Variants in PREX1 observed in about 807,000 individuals in gnomAD.
PREX1 encodes phosphatidylinositol-3,4,5-trisphosphate dependent Rac exchange factor 1, also known as phosphatidylinositol 3,4,5-trisphosphate-dependent Rac exchanger 1 protein.
Under a neutral mutation model 198.3 loss-of-function variants are expected in PREX1, and 41 were observed. That is an observed-to-expected ratio of 0.21 (90% confidence interval 0.16 to 0.27). PREX1 has a LOEUF of 0.27. Ranked by LOEUF, PREX1 falls within the 10% of genes least tolerant of loss-of-function variation. The pLI is 1.00. For synonymous variants in PREX1, 843 were observed against 887.2 expected (o/e 0.95, Z 0.89); for missense variants, 1,620 against 2,200.7 (o/e 0.74, Z 5.28).
At chr20:48,651,911 C>A (rs1369419037) in intron 21 of PREX1, among the ~76,000 whole-genome samples, 1 of 152,212 alleles carries the variant, frequency 6.6e-6, no homozygotes, top group Non-Finnish European at 1.5e-5. Flanking sequence ...GCTACTGCCA[C>A]CGTCCTGGTA....
chr20:48,830,588 AC>A (rs1286573003), upstream of PREX1, among the ~76,000 whole-genome samples: 2 of 152,226 alleles, frequency 1.3e-5, no homozygotes, highest in Admixed American at 6.5e-5. Context: ...CTGCCAAAAA[AC>A]ATTTCCACGT....
In PREX1 at chr20:48,681,309, A is replaced by G. The variant is rs1410197786; in HGVS notation, c.1361T>C (p.Ile454Thr). Residue 454 changes from isoleucine (I) to threonine (T), a missense_variant, in exon 11 of 40, where the codon ATT becomes ACT. By Grantham distance (89) the Ile-to-Thr change is moderately conservative (BLOSUM62 -1). Coordinates refer to ENST00000371941, the MANE Select transcript of PREX1 (RefSeq NM_020820.4). The part of the protein sequence containing the change: ...GNEFVAWLLE[I>T]GEISKTEEGV... The stretch of plus-strand genomic sequence containing the variant: ...TTCTTCCGTCTTGCTGATTTCACCA[A>G]TTTCTAGGAGCCAGGCAACGAACTC... The G allele has an allele frequency of 6.2e-7, 1 of 1,613,998 alleles. No homozygotes were observed. Among genetic ancestry groups the G allele is most frequent in the African/African-American group, 1.3e-5 (1 of 74,916 alleles).
In PREX1 at chr20:48,705,640, C is replaced by T. The variant is rs117428781; in HGVS notation, c.783+2620G>A. ...AGAGACTGTAACTACTAACAGATAG[C>T]ATGGAAGCAACTCCACTATTAGACG... On this transcript the variant is annotated intron_variant, in intron 6 of 39. Transcript: ENST00000371941. 2.3e-3 allele frequency among the ~76,000 whole-genome samples: 351 copies of T among 152,320 alleles called. 4 individuals carry two copies. In the East Asian group the frequency reaches 0.045, roughly 19 times the overall value.
At chr20:48,651,722 G>A in intron 21 of PREX1, 139 bp from the exon 22 acceptor site, 1 of 778,926 alleles carries the variant, frequency 1.3e-6, no homozygotes, top group Non-Finnish European at 2.0e-6. Flanking sequence ...CATTCCGCCA[G>A]AGTAGAGAGG....
At chr20:48,870,261 A>G in the PREX1 span, among the ~76,000 whole-genome samples, 1 of 152,198 alleles carries the variant, frequency 6.6e-6, no homozygotes, top group Non-Finnish European at 1.5e-5. Flanking sequence ...TTAAAAAACT[A>G]AAACAAAACA....
intron 6 of PREX1, among the ~76,000 whole-genome samples, chr20:48,702,206 TAAAAAAAAAAAA>T (rs71184231): frequency 8.1e-6 from 1 of 122,826 alleles, no homozygotes; most frequent in African/African-American, 3.0e-5. Flanking sequence ...GGACTCTGTC[TAAAAAAAAAAAA>T]AAAAAAGATA....
At chr20:48,702,052 T>C (rs1241634608) in intron 6 of PREX1, among the ~76,000 whole-genome samples, 1 of 151,546 alleles carries the variant, frequency 6.6e-6, no homozygotes, top group Non-Finnish European at 1.5e-5. Flanking sequence ...TCTACAAAAA[T>C]ACAAAAATTA....
At chr20:48,866,483 C>T in the PREX1 span, among the ~76,000 whole-genome samples, 1 of 152,076 alleles carries the variant, frequency 6.6e-6, no homozygotes, top group African/African-American at 2.4e-5. Flanking sequence ...CACAGGCAGG[C>T]GCAAGTTGGA....
chr20:48,675,377 A>G (rs971971301), intron 14 of PREX1, among the ~76,000 whole-genome samples: 10 of 152,238 alleles, frequency 6.6e-5, no homozygotes, highest in Admixed American at 1.3e-4. Flanking sequence ...ACCCAGTCTC[A>G]GGTATTTTGT....
intron 37 of PREX1, 142 bp from the exon 38 acceptor site, chr20:48,628,105 A>T (rs925200030): frequency 1.1e-5 from 7 of 633,400 alleles, no homozygotes; most frequent in African/African-American, 1.1e-4. Context: ...CCTGACCATC[A>T]CGGCAACGCC....
rs935108407 is a variant in PREX1 at position 48,684,203 on chromosome 20, A to G, written c.1335-2868T>C. Among the ~76,000 whole-genome samples, 3 of 152,192 alleles carry G rather than the reference A, an allele frequency of 2.0e-5. No homozygotes were observed. Among genetic ancestry groups the G allele is most frequent in the Non-Finnish European group, 2.9e-5 (2 of 68,032 alleles). On this transcript the variant is annotated intron_variant, in intron 10 of 39. Coordinates refer to ENST00000371941, the MANE Select transcript of PREX1 (RefSeq NM_020820.4). This position sits in a 1 kb window ranked among gnomAD's most constrained non-coding sequence, Gnocchi z 4.2. ...CAATGGGCCACGGCCAGGGTGAGGCACAAGGAATACATTCTGCAGTCTTCC... is the reference window on the plus strand; with the variant it reads ...CAATGGGCCACGGCCAGGGTGAGGCGCAAGGAATACATTCTGCAGTCTTCC...
chr20:48,646,128 C>G (rs1307848279), intron 25 of PREX1, 71 bp from the exon 26 acceptor site: 1 of 1,493,872 alleles, frequency 6.7e-7, no homozygotes, highest in Non-Finnish European at 9.2e-7. Flanking sequence ...GAAAATCCCA[C>G]CAGCAGCTGC....
the PREX1 span, among the ~76,000 whole-genome samples, chr20:48,880,105 G>A: frequency 6.6e-6 from 1 of 152,176 alleles, no homozygotes. Flanking sequence ...TTAACTTTTT[G>A]TCTGCAAATG....
At chr20:48,776,592 G>T (rs1395468704) in intron 1 of PREX1, among the ~76,000 whole-genome samples, 1 of 152,194 alleles carries the variant, frequency 6.6e-6, no homozygotes, top group African/African-American at 2.4e-5. Context: ...AACCCAGCAG[G>T]CCCCTGAATT....
chr20:48,746,649 T>C lies in PREX1; in HGVS notation c.291+1160A>G, dbSNP rs552198559. On this transcript the variant is annotated intron_variant, in intron 2 of 39. Coordinates refer to ENST00000371941, the MANE Select transcript of PREX1 (RefSeq NM_020820.4). Reference sequence around the variant, plus strand: ...GTGGGCAGTTGGGGCTGGGAAATGCTCTCTGCCTTCATTTGGTTTCATGGT... The same window carrying C: ...GTGGGCAGTTGGGGCTGGGAAATGCCCTCTGCCTTCATTTGGTTTCATGGT... Among the ~76,000 whole-genome samples the C allele has an allele frequency of 3.0e-4, 46 of 152,226 alleles. No individual in the cohort carries two copies. In the South Asian group the frequency reaches 9.3e-3, roughly 31 times the overall value.
chr20:48,685,675 C>T (rs184050109), intron 10 of PREX1, among the ~76,000 whole-genome samples: 1 of 152,276 alleles, frequency 6.6e-6, no homozygotes, highest in East Asian at 1.9e-4. Context: ...GCCTGTAATC[C>T]CAGCACCTTG....
chr20:48,634,329 G>A (rs2089344373), intron 33 of PREX1, among the ~76,000 whole-genome samples: 1 of 152,126 alleles, frequency 6.6e-6, no homozygotes, highest in South Asian at 2.1e-4. Flanking sequence ...AGGGAGGAAG[G>A]GAGGATGGAA....
At chr20:48,864,021 T>C in the PREX1 span, among the ~76,000 whole-genome samples, 3 of 152,232 alleles carry the variant, frequency 2.0e-5, no homozygotes, top group Non-Finnish European at 4.4e-5. Context: ...CATTCAACTA[T>C]TGAAGGATAT....
intron 16 of PREX1, among the ~76,000 whole-genome samples, chr20:48,658,966 C>T (rs562697141): frequency 3.9e-5 from 6 of 152,066 alleles, no homozygotes; most frequent in East Asian, 1.9e-4. Context: ...CAATGGCTCA[C>T]GCTTGTAATC....
Sources: gnomAD v4.1 joint callset for allele counts (sites outside exome capture counted in the v4.1 genomes callset) on GRCh38, gnomAD v4.1.1 for gene constraint, Gnocchi (gnomAD v3.1) non-coding constraint, MANE v1.5 for transcripts, NCBI Gene and HGNC (gene_info 2026-07-23, HGNC 2026-07-21) for gene names.